CDK12: variants seen among roughly 807,000 people sequenced by gnomAD.
The protein encoded by CDK12 is cyclin dependent kinase 12, also known as cyclin-dependent kinase 12.
Under a neutral mutation model 133.8 loss-of-function variants are expected in CDK12, and 17 were observed. That is an observed-to-expected ratio of 0.13 (90% CI 0.09 to 0.19). CDK12 has a LOEUF of 0.19. Among genes scored for constraint, CDK12 ranks in the 10% least tolerant of loss-of-function variants. The pLI is 1.00. For synonymous variants in CDK12, 694 were observed against 683.6 expected (o/e 1.02, Z -0.24); for missense variants, 1,508 against 1,818.7 (o/e 0.83, Z 3.11).
intron 2 of CDK12, among the ~76,000 whole-genome samples, chr17:39,474,359 C>G (rs2050025631): frequency 6.6e-6 from 1 of 152,114 alleles, no homozygotes; most frequent in African/African-American, 2.4e-5. Context: ...GGCTCTGTCC[C>G]CCAGGCTGGA....
intron 1 of CDK12, among the ~76,000 whole-genome samples, chr17:39,468,028 G>A (rs1364301014): frequency 6.6e-6 from 1 of 151,782 alleles, no homozygotes; most frequent in Non-Finnish European, 1.5e-5. Context: ...CGAGCAGCTG[G>A]GATTACAGGC....
At chr17:39,555,827 CTACACACA>C (rs1255451693) in intron 2 of CDK12, among the ~76,000 whole-genome samples, 5 of 121,326 alleles carry the variant, frequency 4.1e-5, no homozygotes, top group African/African-American at 9.8e-5. Flanking sequence ...AACCTCATCT[CTACACACA>C]CACACACACA....
At chr17:39,558,506 C>A (rs996725347) in intron 3 of CDK12, among the ~76,000 whole-genome samples, 4 of 152,136 alleles carry the variant, frequency 2.6e-5, no homozygotes, top group African/African-American at 9.7e-5. Flanking sequence ...ATGTTTAAAG[C>A]CTATAGAGTA....
At chr17:39,477,229 T>C (rs2050282724) in intron 2 of CDK12, among the ~76,000 whole-genome samples, 2 of 150,286 alleles carry the variant, frequency 1.3e-5, no homozygotes, top group South Asian at 2.1e-4. Flanking sequence ...TTAGATGAAG[T>C]CTGGAGTCTC....
intron 4 of CDK12, among the ~76,000 whole-genome samples, 155 bp from the exon 5 acceptor site, chr17:39,494,369 G>A (rs1441602207): frequency 6.6e-6 from 1 of 152,180 alleles, no homozygotes; most frequent in Non-Finnish European, 1.5e-5. Context: ...CAGTGCGCCT[G>A]GCCTAGAGTT....
At chr17:39,477,572 T>TA (rs2050310620) in intron 2 of CDK12, among the ~76,000 whole-genome samples, 1 of 145,748 alleles carries the variant, frequency 6.9e-6, no homozygotes, top group African/African-American at 2.6e-5. Context: ...TATTTATTAT[T>TA]TATTTTTTTT....
upstream of CDK12, among the ~76,000 whole-genome samples, chr17:39,546,463 T>A (rs1448789524): frequency 6.6e-6 from 1 of 152,020 alleles, no homozygotes; most frequent in Non-Finnish European, 1.5e-5. Context: ...GGATTACAGG[T>A]GTGAGCCACT....
chr17:39,565,911 C>T (rs1273865455), downstream of CDK12, among the ~76,000 whole-genome samples: 1 of 152,168 alleles, frequency 6.6e-6, no homozygotes, highest in Non-Finnish European at 1.5e-5. Context: ...AAACCCCACA[C>T]CTGACCTGGC....
At chr17:39,552,908 T>C (rs1349609012) in intron 2 of CDK12, among the ~76,000 whole-genome samples, 2 of 152,158 alleles carry the variant, frequency 1.3e-5, no homozygotes, top group Non-Finnish European at 2.9e-5. Flanking sequence ...TTTGTATTTT[T>C]AGTAGAGACG....
chr17:39,502,192 G>A (rs1366625076), intron 6 of CDK12, among the ~76,000 whole-genome samples: 2 of 150,354 alleles, frequency 1.3e-5, no homozygotes, highest in African/African-American at 2.5e-5. Context: ...TTGCTCTGTC[G>A]CCCAGGCTGG....
chr17:39,490,455 G>C, intron 2 of CDK12, 102 bp from the exon 3 acceptor site: 1 of 690,196 alleles, frequency 1.4e-6, no homozygotes, highest in Non-Finnish European at 2.3e-6. Context: ...TTAAAAATTA[G>C]ATCTTTCTAA....
upstream of CDK12, chr17:39,544,101 A>G (rs564906476): frequency 8.3e-5 from 35 of 423,390 alleles, no homozygotes; most frequent in East Asian, 2.1e-3. Flanking sequence ...CCTTCTGGGG[A>G]ATTCAGGTTT....
At chr17:39,499,264 G>C (rs894518309) in intron 5 of CDK12, among the ~76,000 whole-genome samples, 2 of 139,492 alleles carry the variant, frequency 1.4e-5, no homozygotes, top group African/African-American at 5.4e-5. Context: ...CTGGAGTGCA[G>C]TGCCGCTGTC....
In CDK12 at chr17:39,490,654, G is replaced by C. The variant is rs766817921; in HGVS notation, c.2029G>C (p.Gly677Arg). 1 of 1,613,050 alleles carries C rather than the reference G, an allele frequency of 6.2e-7. No homozygotes were observed. Among genetic ancestry groups the C allele is most frequent in the Non-Finnish European group, 8.5e-7 (1 of 1,179,164 alleles). Residue 677 changes from glycine to arginine, a missense_variant, in exon 3 of 14, where the codon GGT (glycine) becomes CGT (arginine). Coordinates refer to ENST00000447079, the MANE Select transcript of CDK12 (RefSeq NM_016507.4). The stretch of plus-strand genomic sequence containing the variant: ...CCTTCCTCTCCCTCCAGAGCTCCCT[G>C]GTGGAGATCTGTCTCCCCCAGACTC... The part of the protein sequence containing the change: ...TDLPLPPELP[G>R]GDLSPPDSPE...
At chr17:39,556,603 T>C (rs765468607) in intron 3 of CDK12, among the ~76,000 whole-genome samples, 2 of 152,198 alleles carry the variant, frequency 1.3e-5, no homozygotes, top group Non-Finnish European at 2.9e-5. Context: ...TATTGTTACC[T>C]AGAGACAACC....
intron 5 of CDK12, 139 bp from the exon 6 acceptor site, chr17:39,501,111 A>G: frequency 1.8e-6 from 1 of 554,224 alleles, no homozygotes; most frequent in Non-Finnish European, 3.1e-6. Context: ...TCTTCGTTTC[A>G]GTTTCTTCAT....
At chr17:39,528,705 G>GA (rs1162469137) in intron 13 of CDK12, among the ~76,000 whole-genome samples, 1 of 152,158 alleles carries the variant, frequency 6.6e-6, no homozygotes, top group Non-Finnish European at 1.5e-5. Context: ...TAGTTCTGTT[G>GA]AAACATAATT....
At chr17:39,463,351 A>C (rs1451132787) in intron 1 of CDK12, among the ~76,000 whole-genome samples, 1 of 152,200 alleles carries the variant, frequency 6.6e-6, no homozygotes. Flanking sequence ...TGGGGTCTTC[A>C]GTTGTAAGCT....
intron 2 of CDK12, among the ~76,000 whole-genome samples, chr17:39,485,389 G>C (rs973405301): frequency 2.0e-5 from 3 of 146,836 alleles, no homozygotes; most frequent in African/African-American, 7.5e-5. Context: ...TTTGAGACCA[G>C]AGCTTAGGCA....
Sources: gnomAD v4.1 joint callset for allele counts (sites outside exome capture counted in the v4.1 genomes callset) on GRCh38, gnomAD v4.1.1 for gene constraint, MANE v1.5 for transcripts, NCBI Gene and HGNC (gene_info 2026-07-23, HGNC 2026-07-21) for gene names.